Variants in LATS2 observed in about 807,000 individuals in gnomAD.
LATS2 encodes the protein large tumor suppressor kinase 2.
LATS2 carries 24 observed loss-of-function variants against 76.0 expected under a neutral mutation model. The ratio of observed to expected loss-of-function variants is 0.32; its 90% CI spans 0.23 to 0.44. The LOEUF (loss-of-function observed/expected upper bound fraction) is 0.44, where lower values mean the gene tolerates loss of function less well. LATS2 is among the 20% of genes least tolerant of loss of function. LATS2 has a pLI of 1.00. For missense variants in LATS2, 1,286 were observed against 1,481.2 expected (o/e 0.87, Z 2.16); for synonymous variants, 692 against 635.4 (o/e 1.09, Z -1.34).
chr13:21,041,723 G>C (rs904486354), intron 2 of LATS2, among the ~76,000 whole-genome samples: 1 of 152,014 alleles, frequency 6.6e-6, no homozygotes, highest in Non-Finnish European at 1.5e-5. Context: ...TCTCACATAA[G>C]TCTTCCTAGA....
chr13:21,047,435 GCT>G (rs1429596765), intron 1 of LATS2, among the ~76,000 whole-genome samples: 1 of 152,134 alleles, frequency 6.6e-6, no homozygotes, highest in African/African-American at 2.4e-5. Context: ...GAAGGTGCCC[GCT>G]GGTGGGAAAG....
intron 1 of LATS2, among the ~76,000 whole-genome samples, chr13:21,046,607 G>A (rs1023600513): frequency 3.3e-5 from 5 of 152,076 alleles, no homozygotes; most frequent in Admixed American, 3.3e-4. Context: ...TGGATTTCTG[G>A]CTTGTTCCTA....
chr13:21,039,766 C>T (rs945877198), intron 2 of LATS2, among the ~76,000 whole-genome samples: 1 of 152,136 alleles, frequency 6.6e-6, no homozygotes, highest in African/African-American at 2.4e-5. Context: ...ATGGAGCATC[C>T]TTGGGGTTAG....
chr13:20,982,025 G>A (rs1047280649), intron 5 of LATS2, among the ~76,000 whole-genome samples: 3 of 152,226 alleles, frequency 2.0e-5, no homozygotes, highest in African/African-American at 4.8e-5. Flanking sequence ...GTTTTAAGAT[G>A]AGCATGGAAA....
chr13:20,978,741 T>C (rs1195893860), intron 7 of LATS2, among the ~76,000 whole-genome samples: 1 of 152,136 alleles, frequency 6.6e-6, no homozygotes, highest in African/African-American at 2.4e-5. Flanking sequence ...ATTATTAAAA[T>C]AGTAAACCTA....
chr13:20,994,733 C>T (rs1304339455), intron 2 of LATS2, among the ~76,000 whole-genome samples: 1 of 151,468 alleles, frequency 6.6e-6, no homozygotes, highest in Non-Finnish European at 1.5e-5. Flanking sequence ...CGTCTCTACA[C>T]AAAAATAGCT....
At chr13:20,999,275 C>A (rs1870923078) in intron 2 of LATS2, among the ~76,000 whole-genome samples, 1 of 152,236 alleles carries the variant, frequency 6.6e-6, no homozygotes, top group African/African-American at 2.4e-5. Flanking sequence ...CGCCGCAGGC[C>A]CCCGAACCTT....
intron 2 of LATS2, among the ~76,000 whole-genome samples, chr13:21,044,733 TGTGTG>T: frequency 7.8e-6 from 1 of 128,902 alleles, no homozygotes; most frequent in African/African-American, 3.0e-5. Context: ...TGTGTGTGTG[TGTGTG>T]TTTTAAATAG....
intron 2 of LATS2, among the ~76,000 whole-genome samples, chr13:21,034,559 TAGAG>T (rs768066331): frequency 2.0e-5 from 3 of 152,198 alleles, no homozygotes; most frequent in Non-Finnish European, 4.4e-5. Flanking sequence ...GGGTGGCAGA[TAGAG>T]AGAGAAGGTG....
intron 2 of LATS2, among the ~76,000 whole-genome samples, chr13:21,014,075 A>C (rs1402349852): frequency 6.6e-6 from 1 of 151,468 alleles, no homozygotes; most frequent in East Asian, 1.9e-4. Flanking sequence ...GGAAGGAAGG[A>C]AGGAGGAAAG....
chr13:21,024,203 G>C (rs1872210215), intron 2 of LATS2, among the ~76,000 whole-genome samples: 2 of 151,858 alleles, frequency 1.3e-5, no homozygotes, highest in Admixed American at 1.3e-4. Flanking sequence ...GGAGGCTGAG[G>C]GGGAGGGATC....
chr13:21,041,313 A>G (rs990942124), intron 2 of LATS2, among the ~76,000 whole-genome samples: 2 of 152,098 alleles, frequency 1.3e-5, no homozygotes, highest in Non-Finnish European at 2.9e-5. Flanking sequence ...TGATTCACTG[A>G]GCAGCTGGTG....
intron 1 of LATS2, among the ~76,000 whole-genome samples, chr13:21,059,897 G>A (rs934742778): frequency 6.8e-6 from 1 of 147,270 alleles, no homozygotes; most frequent in Non-Finnish European, 1.5e-5. Context: ...CCTGGGAGAC[G>A]GAGGTTGCAG....
intron 1 of LATS2, among the ~76,000 whole-genome samples, chr13:21,050,706 A>C (rs1873243854): frequency 6.6e-6 from 1 of 152,232 alleles, no homozygotes; most frequent in Admixed American, 6.5e-5. Flanking sequence ...AGCTGTGAGG[A>C]GCTGCAGCGT....
rs1204055851 is a variant in LATS2, at chr13:20,988,206, C to T, written c.1574G>A (p.Arg525His). 3 of 1,611,420 alleles carry T rather than the reference C, an allele frequency of 1.9e-6. No individual in the cohort carries two copies. Among genetic ancestry groups the T allele is most frequent in the Admixed American group, 1.7e-5 (1 of 59,886 alleles). The change falls in exon 4 of 8, where the codon CGC (arginine) becomes CAC (histidine). Residue 525 changes from arginine to histidine, a missense_variant. Arg to His is a conservative substitution (Grantham distance 29, BLOSUM62 0). Around this residue, in one of 5 missense-constraint regions of LATS2, gnomAD observed 710 missense variants for 660.9 expected, o/e 1.07. Coordinates refer to ENST00000382592, the MANE Select transcript of LATS2 (RefSeq NM_014572.3). ...CAGGTCGTACTGCTCCGACTTGCTG[C>T]GCAGCAGCAGGTGCTTCGGGTAGGG... is the stretch of plus-strand genomic sequence containing the variant. ...PPPYPKHLLL[R>H]SKSEQYDLDS...
At chr13:20,997,714 C>G (rs868381476) in intron 2 of LATS2, among the ~76,000 whole-genome samples, 4 of 152,218 alleles carry the variant, frequency 2.6e-5, no homozygotes, top group African/African-American at 4.8e-5. Context: ...ACAGGGCTTA[C>G]GAGGACGGGT....
chr13:21,036,502 C>T (rs1479648146), intron 2 of LATS2, among the ~76,000 whole-genome samples: 7 of 150,544 alleles, frequency 4.6e-5, no homozygotes, highest in South Asian at 2.2e-4. Flanking sequence ...CCAGCCCTTG[C>T]GGTGGCTCAC....
chr13:21,001,952 C>T (rs570276799), intron 2 of LATS2, among the ~76,000 whole-genome samples: 108 of 151,662 alleles, frequency 7.1e-4, no homozygotes, highest in African/African-American at 2.5e-3. Context: ...CTCGCTCTGT[C>T]GCCCAGGCTG....
intron 2 of LATS2, among the ~76,000 whole-genome samples, chr13:21,034,334 T>C (rs2138384606): frequency 6.6e-6 from 1 of 152,290 alleles, no homozygotes; most frequent in East Asian, 1.9e-4. Context: ...AGTGCCCAGT[T>C]GCATTGGGGT....
Sources: allele counts gnomAD v4.1 joint callset (sites outside exome capture counted in the v4.1 genomes callset), GRCh38; gene constraint gnomAD v4.1.1; regional missense constraint gnomAD v4.1.1; transcripts MANE v1.5; gene names NCBI Gene and HGNC (gene_info 2026-07-23, HGNC 2026-07-21).